NOXRED1: variants seen among roughly 807,000 people sequenced by gnomAD.
NOXRED1 encodes NADP-dependent oxidoreductase domain-containing protein 1.
Under a neutral mutation model 30.4 loss-of-function variants are expected in NOXRED1, and 20 were observed. The observed-to-expected ratio is 0.66, with a 90% confidence interval of 0.46 to 0.96. The LOEUF is 0.96. Among genes scored for constraint, NOXRED1 ranks in the 40% least tolerant of loss-of-function variants. The pLI is 0.00. For synonymous variants in NOXRED1, 155 were observed against 168.0 expected (o/e 0.92, Z 0.60); for missense variants, 374 against 428.0 (o/e 0.87, Z 1.11).
intron 5 of NOXRED1, 92 bp from the exon 6 acceptor site, chr14:77,394,897 T>C: frequency 1.2e-6 from 1 of 848,404 alleles, no homozygotes; most frequent in Non-Finnish European, 1.9e-6. Context: ...GTTTTCCTCA[T>C]TACCTTTTCA....
At chr14:77,396,127 T>C (rs1457341551) in intron 5 of NOXRED1, among the ~76,000 whole-genome samples, 1 of 151,900 alleles carries the variant, frequency 6.6e-6, no homozygotes, top group Non-Finnish European at 1.5e-5. Context: ...GTACTAGAAG[T>C]TCTAGGCAAT....
chr14:77,401,226 G>T (rs1309251386), intron 5 of NOXRED1, among the ~76,000 whole-genome samples: 2 of 151,878 alleles, frequency 1.3e-5, no homozygotes, highest in Non-Finnish European at 2.9e-5. Flanking sequence ...ACAAAAATTA[G>T]CTGGGCATGG....
chr14:77,405,851 A>G, intron 5 of NOXRED1, 62 bp downstream of exon 5: 1 of 972,690 alleles, frequency 1.0e-6, no homozygotes, highest in South Asian at 1.4e-5. Context: ...AAAAGAAAAA[A>G]AGCATTAACT....
chr14:77,420,259 C>T (rs1349221032), intron 1 of NOXRED1, among the ~76,000 whole-genome samples: 5 of 152,112 alleles, frequency 3.3e-5, no homozygotes, highest in Non-Finnish European at 5.9e-5. Context: ...TTGAACCACT[C>T]TAGTGAGTTG....
intron 5 of NOXRED1, among the ~76,000 whole-genome samples, chr14:77,405,056 C>T (rs1894421584): frequency 6.6e-6 from 1 of 152,154 alleles, no homozygotes; most frequent in Non-Finnish European, 1.5e-5. Flanking sequence ...GAGCTTCTTT[C>T]ACATATGCCA....
At position 77,416,797 on chromosome 14, in the gene NOXRED1, C is replaced by T. The variant is rs1894837522; in HGVS notation, c.156-2670G>A. 2.0e-5 allele frequency among the ~76,000 whole-genome samples: 3 copies of T among 151,952 alleles called. No homozygotes were observed. In the South Asian group the frequency reaches 6.2e-4, roughly 32 times the overall value. The stretch of plus-strand genomic sequence containing the variant: ...GGGGCGGCCGGGCAGAGGCGCCCCT[C>T]ACCTCCCGGACAGGGCGGCTGGCCG... On this transcript the variant is annotated intron_variant, in intron 1 of 5. Coordinates refer to ENST00000380835, the MANE Select transcript of NOXRED1 (RefSeq NM_001113475.3).
chr14:77,396,809 A>C (rs182213962), intron 5 of NOXRED1, among the ~76,000 whole-genome samples: 2 of 152,234 alleles, frequency 1.3e-5, no homozygotes, highest in African/African-American at 4.8e-5. Flanking sequence ...GAAACATACT[A>C]TATTAATGAG....
chr14:77,408,926 A>G (rs1365464797), intron 2 of NOXRED1, among the ~76,000 whole-genome samples: 1 of 21,682 alleles, frequency 4.6e-5, no homozygotes, highest in Non-Finnish European at 1.1e-4. Flanking sequence ...TAGCGATGGG[A>G]TCTCACTGTT....
chr14:77,401,900 C>A (rs1894335083), intron 5 of NOXRED1, among the ~76,000 whole-genome samples: 1 of 152,176 alleles, frequency 6.6e-6, no homozygotes, highest in South Asian at 2.1e-4. Flanking sequence ...GTTAACTGCT[C>A]TTTGACAAAG....
chr14:77,414,072 A>T lies in NOXRED1; in HGVS notation c.211T>A (p.Ser71Thr), dbSNP rs753758301. The change falls in exon 2 of 6, where the codon TCA becomes ACA. Residue 71 changes from serine (S) to threonine (T), a missense_variant. By Grantham distance (58) the Ser-to-Thr change is moderately conservative. Transcript: ENST00000380835. ...SRHLSIGSLN[S>T]ATPEEFKVGI... is the part of the protein sequence containing the mutation. ...ACCTTAAACTCTTCAGGAGTGGCTG[A>T]ATTAAGGGAGCCAATTGAGAGATGT... is the stretch of plus-strand genomic sequence containing the variant. 3 of 1,608,776 alleles carry T rather than the reference A, an allele frequency of 1.9e-6. No homozygotes were observed. Among genetic ancestry groups the T allele is most frequent in the Non-Finnish European group, 2.5e-6 (3 of 1,176,498 alleles).
At chr14:77,410,335 G>C (rs1232165168) in intron 2 of NOXRED1, among the ~76,000 whole-genome samples, 1 of 152,142 alleles carries the variant, frequency 6.6e-6, no homozygotes, top group Non-Finnish European at 1.5e-5. Flanking sequence ...CCTGGGCACT[G>C]TGGCTCACAC....
intron 5 of NOXRED1, among the ~76,000 whole-genome samples, chr14:77,396,667 C>G (rs933874175): frequency 6.6e-6 from 1 of 151,996 alleles, no homozygotes; most frequent in Non-Finnish European, 1.5e-5. Context: ...ATGTGGACAC[C>G]AAAATTGAAA....
chr14:77,411,346 T>G (rs1293664652), intron 2 of NOXRED1, among the ~76,000 whole-genome samples: 1 of 151,598 alleles, frequency 6.6e-6, no homozygotes, highest in Non-Finnish European at 1.5e-5. Flanking sequence ...GGTGAGCGCA[T>G]GTAATCCCAA....
In NOXRED1 at chr14:77,423,282, G is replaced by A. The variant is rs1030132409; in HGVS notation, c.-393C>T. On this transcript the variant is annotated 5_prime_UTR_variant, in exon 1 of 6. The change creates a new upstream start codon in the 5' untranslated region. Transcript: ENST00000380835. The stretch of plus-strand genomic sequence containing the variant: ...CGTTTTCCCTTCCATTCCCTCCTGC[G>A]TTTTGGAAATAGGACTGAACACATA... 3.9e-5 allele frequency among the ~76,000 whole-genome samples: 6 copies of A among 152,092 alleles called. No homozygotes were observed. Among genetic ancestry groups the A allele is most frequent in the African/African-American group, 1.2e-4 (5 of 41,408 alleles).
At chr14:77,403,695 T>A (rs1009787432) in intron 5 of NOXRED1, among the ~76,000 whole-genome samples, 1 of 151,906 alleles carries the variant, frequency 6.6e-6, no homozygotes, top group African/African-American at 2.4e-5. Context: ...TTAATGGAAA[T>A]AACAGGCCCA....
chr14:77,412,894 G>A (rs1270132206), intron 2 of NOXRED1, among the ~76,000 whole-genome samples: 15 of 151,250 alleles, frequency 9.9e-5, no homozygotes, highest in African/African-American at 2.2e-4. Flanking sequence ...ATACAGTGTC[G>A]ATTACTGATA....
intron 5 of NOXRED1, among the ~76,000 whole-genome samples, chr14:77,395,544 G>C (rs1284540989): frequency 6.6e-6 from 1 of 151,800 alleles, no homozygotes; most frequent in Non-Finnish European, 1.5e-5. Flanking sequence ...ACTCATGCCT[G>C]TAATCCTAGC....
intron 5 of NOXRED1, among the ~76,000 whole-genome samples, chr14:77,404,787 A>G (rs949562901): frequency 6.6e-6 from 1 of 152,188 alleles, no homozygotes; most frequent in Non-Finnish European, 1.5e-5. Flanking sequence ...TTCAAGAAGG[A>G]TGGCATGTTC....
At chr14:77,422,600 T>C (rs965208283) in intron 1 of NOXRED1, 135 bp downstream of exon 1, 4 of 827,934 alleles carry the variant, frequency 4.8e-6, no homozygotes, top group Non-Finnish European at 8.1e-6. Context: ...CAGGAGTCAT[T>C]GACTCTGGGT....
Sources: gnomAD v4.1 joint callset for allele counts (sites outside exome capture counted in the v4.1 genomes callset) on GRCh38, gnomAD v4.1.1 for gene constraint, MANE v1.5 for transcripts, NCBI Gene and HGNC (gene_info 2026-07-23, HGNC 2026-07-21) for gene names.